Variants in FARS2 observed in about 807,000 individuals in gnomAD.
The protein encoded by FARS2 is phenylalanyl-tRNA synthetase 2, mitochondrial.
Under a neutral mutation model 46.4 loss-of-function variants are expected in FARS2, and 40 were observed. The ratio of observed to expected loss-of-function variants is 0.86; its 90% CI spans 0.67 to 1.12. The LOEUF is 1.12. FARS2 is among the 50% of genes most tolerant of loss of function. The probability of loss-of-function intolerance (pLI) is 0.00; values close to 1 mark genes in which losing one functional copy is unlikely to be tolerated. For missense variants in FARS2, 513 were observed against 567.9 expected (o/e 0.90, Z 0.98); for synonymous variants, 234 against 214.9 (o/e 1.09, Z -0.78).
At chr6:5,572,513 A>G (rs2150562379) in intron 5 of FARS2, among the ~76,000 whole-genome samples, 1 of 152,270 alleles carries the variant, frequency 6.6e-6, no homozygotes, top group South Asian at 2.1e-4. Flanking sequence ...CTAAAAAACA[A>G]ATAGTAAGAA....
At chr6:5,697,633 A>G (rs1452834148) in intron 6 of FARS2, among the ~76,000 whole-genome samples, 1 of 152,234 alleles carries the variant, frequency 6.6e-6, no homozygotes, top group Admixed American at 6.5e-5. Context: ...TATGGCTTTC[A>G]ACAAACAAAG....
chr6:5,627,717 G>A (rs566008148), intron 6 of FARS2, among the ~76,000 whole-genome samples: 8 of 152,274 alleles, frequency 5.3e-5, no homozygotes, highest in African/African-American at 1.7e-4. Context: ...TACTCAATAC[G>A]TATTTTTGAT....
chr6:5,696,098 T>A (rs973498508), intron 6 of FARS2, among the ~76,000 whole-genome samples: 9 of 152,192 alleles, frequency 5.9e-5, no homozygotes, highest in African/African-American at 2.2e-4. Flanking sequence ...ACAGGTACCC[T>A]CCATCTACAT....
At chr6:5,444,051 A>G (rs1014422607) in intron 4 of FARS2, among the ~76,000 whole-genome samples, 2 of 150,612 alleles carry the variant, frequency 1.3e-5, no homozygotes, top group Non-Finnish European at 2.9e-5. Context: ...TGTCCTCTAC[A>G]TGGGAGGTTT....
At chr6:5,265,107 CTT>C (rs745348693) in intron 1 of FARS2, among the ~76,000 whole-genome samples, 2 of 151,322 alleles carry the variant, frequency 1.3e-5, no homozygotes, top group East Asian at 3.9e-4. Context: ...CCAATAATTT[CTT>C]TTTGACAGTT....
At chr6:5,255,580 A>G in the FARS2 span, among the ~76,000 whole-genome samples, 1 of 152,194 alleles carries the variant, frequency 6.6e-6, no homozygotes, top group Non-Finnish European at 1.5e-5. Flanking sequence ...AGAACGTAAA[A>G]GGCCTAAGAC....
chr6:5,467,463 A>C (rs894926995), intron 4 of FARS2, among the ~76,000 whole-genome samples: 1 of 152,156 alleles, frequency 6.6e-6, no homozygotes, highest in African/African-American at 2.4e-5. Flanking sequence ...TAGATGCTGA[A>C]ATAAGATACA....
At chr6:5,643,012 G>C (rs1372983510) in intron 6 of FARS2, among the ~76,000 whole-genome samples, 1 of 152,250 alleles carries the variant, frequency 6.6e-6, no homozygotes, top group African/African-American at 2.4e-5. Context: ...TTCCCAGAGA[G>C]ATGAGCTTAA....
intron 6 of FARS2, among the ~76,000 whole-genome samples, chr6:5,725,141 G>A (rs1376489154): frequency 6.6e-6 from 1 of 152,242 alleles, no homozygotes; most frequent in Non-Finnish European, 1.5e-5. Context: ...TGGATGATGC[G>A]GAGCAGACAC....
chr6:5,605,848 A>G (rs1169732502), intron 5 of FARS2, among the ~76,000 whole-genome samples: 2 of 152,234 alleles, frequency 1.3e-5, no homozygotes, highest in African/African-American at 2.4e-5. Context: ...ACTGGCAGAA[A>G]TGAAGGGTAA....
chr6:5,561,514 T>C (rs917796785), intron 5 of FARS2, among the ~76,000 whole-genome samples: 1 of 152,164 alleles, frequency 6.6e-6, no homozygotes, highest in Non-Finnish European at 1.5e-5. Flanking sequence ...TCTGGAAAAG[T>C]CTAATATTAA....
intron 4 of FARS2, among the ~76,000 whole-genome samples, chr6:5,500,098 G>A (rs1767701347): frequency 6.6e-6 from 1 of 152,176 alleles, no homozygotes. Flanking sequence ...GATTCTTCGT[G>A]TCAGCAGTTT....
At chr6:5,286,635 C>T (rs116681043) in intron 1 of FARS2, among the ~76,000 whole-genome samples, 1,779 of 152,128 alleles carry the variant, frequency 0.012, 28 homozygotes, top group African/African-American at 0.04. Context: ...AAATAAATTA[C>T]GTATATGTGT....
At chr6:5,423,888 G>T (rs1333123594) in intron 3 of FARS2, among the ~76,000 whole-genome samples, 1 of 152,152 alleles carries the variant, frequency 6.6e-6, no homozygotes, top group Non-Finnish European at 1.5e-5. Flanking sequence ...TTCATGCTGC[G>T]TGTGAGGTGG....
At chr6:5,420,045 C>T (rs1303368837) in intron 3 of FARS2, among the ~76,000 whole-genome samples, 2 of 152,270 alleles carry the variant, frequency 1.3e-5, no homozygotes, top group East Asian at 1.9e-4. Flanking sequence ...GCCTTACAAT[C>T]GTGGCAGAAG....
At chr6:5,296,859 A>G (rs374028445) in intron 1 of FARS2, among the ~76,000 whole-genome samples, 5 of 152,226 alleles carry the variant, frequency 3.3e-5, no homozygotes, top group Non-Finnish European at 1.5e-5. Context: ...CCTTTCGGCT[A>G]TTATGAATAA....
intron 5 of FARS2, among the ~76,000 whole-genome samples, chr6:5,611,735 G>A (rs1362235552): frequency 6.6e-6 from 1 of 152,110 alleles, no homozygotes; most frequent in East Asian, 1.9e-4. Context: ...TGGGGCATGT[G>A]TTCTGGCTGC....
intron 1 of FARS2, among the ~76,000 whole-genome samples, chr6:5,335,987 C>T (rs1771131314): frequency 6.6e-6 from 1 of 152,116 alleles, no homozygotes; most frequent in Non-Finnish European, 1.5e-5. Flanking sequence ...TAAGCCTGTG[C>T]TGAATCTGAG....
At position 5,330,247 on chromosome 6, in the gene FARS2, G is replaced by A. The variant is rs78457277; in HGVS notation, c.-21-38303G>A. On this transcript the variant is annotated intron_variant, in intron 1 of 6. Transcript: ENST00000274680. Reference sequence around the variant, plus strand: ...GACAGTCAGCAAATATATATATATAGATATTATTATATCAGAGTGTAGTAT... The same window carrying A: ...GACAGTCAGCAAATATATATATATAAATATTATTATATCAGAGTGTAGTAT... Among the ~76,000 whole-genome samples, 35 of 152,226 alleles carry A rather than the reference G, an allele frequency of 2.3e-4. No homozygotes were observed. The East Asian group carries it at 6.6e-3, about 29-fold the overall frequency.
Sources: gnomAD v4.1 joint callset for allele counts (sites outside exome capture counted in the v4.1 genomes callset) on GRCh38, gnomAD v4.1.1 for gene constraint, MANE v1.5 for transcripts, NCBI Gene and HGNC (gene_info 2026-07-23, HGNC 2026-07-21) for gene names.